COPB1: variants seen among roughly 807,000 people sequenced by gnomAD.
COPB1 encodes coatomer subunit beta.
Under a neutral mutation model 108.7 loss-of-function variants are expected in COPB1, and 21 were observed. That is an observed-to-expected ratio of 0.19 (90% confidence interval 0.14 to 0.28). The LOEUF (loss-of-function observed/expected upper bound fraction) is 0.28. COPB1 is among the 10% of genes least tolerant of loss of function. COPB1 has a pLI of 1.00. For missense variants in COPB1, 919 were observed against 1,141.3 expected, an observed-to-expected ratio of 0.81 and a Z score of 2.81; for synonymous variants, 378 against 386.8, an observed-to-expected ratio of 0.98 and a Z score of 0.27.
chr11:14,472,227 A>C (rs1333859125), intron 14 of COPB1, among the ~76,000 whole-genome samples: 1 of 152,230 alleles, frequency 6.6e-6, no homozygotes, highest in African/African-American at 2.4e-5. Flanking sequence ...CTTAGCAGGC[A>C]TGAAAACATT....
intron 20 of COPB1, among the ~76,000 whole-genome samples, 165 bp from the exon 21 acceptor site, chr11:14,458,852 C>A (rs979583195): frequency 6.6e-6 from 1 of 151,130 alleles, no homozygotes; most frequent in Non-Finnish European, 1.5e-5. Flanking sequence ...TCACTGCAAC[C>A]TTCCTCCCAG....
intron 2 of COPB1, among the ~76,000 whole-genome samples, chr11:14,498,283 T>C (rs1187654736): frequency 6.6e-6 from 1 of 152,222 alleles, no homozygotes; most frequent in Non-Finnish European, 1.5e-5. Context: ...ACCCCATAAA[T>C]ATATACATCT....
chr11:14,477,979 C>G (rs1304735717), intron 11 of COPB1, among the ~76,000 whole-genome samples: 1 of 151,214 alleles, frequency 6.6e-6, no homozygotes, highest in Non-Finnish European at 1.5e-5. Context: ...GCACTCCAGC[C>G]TGGGTGACAG....
At chr11:14,499,610 C>T (rs971824816) in intron 1 of COPB1, 97 bp downstream of exon 1, 5 of 151,160 alleles carry the variant, frequency 3.3e-5, no homozygotes, top group African/African-American at 1.2e-4. Context: ...TACCCCCACC[C>T]GGTCCCTTCT....
chr11:14,486,862 T>C (rs1422873482), intron 6 of COPB1, among the ~76,000 whole-genome samples: 1 of 152,168 alleles, frequency 6.6e-6, no homozygotes, highest in East Asian at 1.9e-4. Context: ...ATGTGTATGC[T>C]ATACACAAGT....
At chr11:14,466,515 T>G in intron 16 of COPB1, 89 bp from the exon 17 acceptor site, 1 of 1,306,742 alleles carries the variant, frequency 7.7e-7, no homozygotes. Flanking sequence ...TGGTAGGTTA[T>G]TAACAGAGTT....
chr11:14,465,694 AG>A (rs2134097175), intron 17 of COPB1, among the ~76,000 whole-genome samples: 1 of 152,322 alleles, frequency 6.6e-6, no homozygotes, highest in South Asian at 2.1e-4. Flanking sequence ...ACAGGGCAAA[AG>A]TATGTTTTCC....
chr11:14,462,850 CTCT>C (rs1850191075), intron 18 of COPB1, among the ~76,000 whole-genome samples: 1 of 152,136 alleles, frequency 6.6e-6, no homozygotes, highest in Non-Finnish European at 1.5e-5. Context: ...ACTCGAGGTT[CTCT>C]TATTTTCAAA....
At chr11:14,478,066 T>C (rs1202262681) in intron 11 of COPB1, among the ~76,000 whole-genome samples, 4 of 151,828 alleles carry the variant, frequency 2.6e-5, no homozygotes, top group Non-Finnish European at 5.9e-5. Flanking sequence ...GTATTTTAGA[T>C]AAATATTTCA....
At chr11:14,494,636 T>C in intron 2 of COPB1, 197 bp from the exon 3 acceptor site, 1 of 499,010 alleles carries the variant, frequency 2.0e-6, no homozygotes, top group East Asian at 3.2e-5. Context: ...AAGTCATTTA[T>C]CTCTGGAAAT....
chr11:14,468,598 T>A, intron 16 of COPB1, 83 bp downstream of exon 16: 1 of 1,340,184 alleles, frequency 7.5e-7, no homozygotes, highest in South Asian at 1.3e-5. Flanking sequence ...AAAATAGTTA[T>A]CTTTCTTTTA....
intron 11 of COPB1, among the ~76,000 whole-genome samples, chr11:14,477,466 CG>C (rs1322863851): frequency 1.3e-5 from 2 of 150,090 alleles, no homozygotes; most frequent in Non-Finnish European, 3.0e-5. Context: ...CTGAGGCCAG[CG>C]GATCACTTGA....
At position 14,473,764 on chromosome 11, in the gene COPB1, G is replaced by A. The variant is rs117801395; in HGVS notation, c.1737+731C>T. Among the ~76,000 whole-genome samples, 451 of 150,924 alleles carry A rather than the reference G, an allele frequency of 3.0e-3. 2 individuals carry two copies. The highest frequency in any genetic ancestry group is 5.7e-3 in the Admixed American group (87 of 15,140). The stretch of plus-strand genomic sequence containing the variant: ...CCAAAATGTAACACAGAGATATGAA[G>A]TGAGCATATGCTTATTTGGAAAAAT... On this transcript the variant is annotated intron_variant, in intron 14 of 21. Transcript: ENST00000439561.
In COPB1 at chr11:14,461,406, T is replaced by C. The variant is rs915790282; in HGVS notation, c.2411-75A>G. 11 of 1,434,086 alleles carry C rather than the reference T, an allele frequency of 7.7e-6. No individual in the cohort carries two copies. The Admixed American group carries it at 1.7e-4, about 22-fold the overall frequency. 88.8% of individuals were successfully genotyped at this position (1,434,086 alleles called of 1,614,324 possible). ...TTTAAAAAATCTTAATATCCAAATA[T>C]CCAAAGAACTACACTATTAACAATA... is the stretch of plus-strand genomic sequence containing the variant. On this transcript the variant is annotated intron_variant, in intron 18 of 21. Coordinates refer to ENST00000439561, the MANE Select transcript of COPB1 (RefSeq NM_001144061.2).
intron 8 of COPB1, among the ~76,000 whole-genome samples, chr11:14,481,443 C>A (rs1042638138): frequency 2.0e-5 from 3 of 152,138 alleles, no homozygotes; most frequent in Admixed American, 2.0e-4. Flanking sequence ...TATAGTATTA[C>A]TGGTCTGGTC....
At position 14,499,806 on chromosome 11, in the gene COPB1, G is replaced by A. The variant is rs114012514; in HGVS notation, c.-157C>T. 1,395 of 154,128 alleles carry A rather than the reference G, an allele frequency of 9.1e-3. 17 individuals are homozygous for A. Among genetic ancestry groups the A allele is most frequent in the African/African-American group, 0.032 (1,349 of 41,558 alleles). The allele number at this position is 154,128 out of a possible 1,614,324, so 9.5% of individuals were successfully genotyped here. On this transcript the variant is annotated 5_prime_UTR_variant, in exon 1 of 22. Transcript: ENST00000439561. ...CGTCTACTGCGGCTCCGTCTACTCCGGCTATGAACCGCAGCAGCGGCGGCG... is the reference window on the plus strand; with the variant it reads ...CGTCTACTGCGGCTCCGTCTACTCCAGCTATGAACCGCAGCAGCGGCGGCG...
chr11:14,464,913 A>G lies in COPB1; in HGVS notation c.2408T>C (p.Ile803Thr), dbSNP rs932366256. Residue 803 changes from isoleucine to threonine, a missense_variant and splice_region_variant, in exon 18 of 22, where the codon ATA becomes ACA. This residue lies in a region of COPB1 where 705 missense variants were observed against 817.8 expected (regional missense o/e 0.86). Coordinates refer to ENST00000439561, the MANE Select transcript of COPB1 (RefSeq NM_001144061.2). ...STENGIIFGN[I>T]VYDVSGAASD... ...CATGCCATAAAACAGCACCTTACCT[A>G]TATTACCAAAAATTATTCCATTTTC... is the stretch of plus-strand genomic sequence containing the variant. 1.9e-6 allele frequency: 3 copies of G among 1,612,718 alleles called. No homozygotes were observed. The highest frequency in any genetic ancestry group is 8.5e-7 in the Non-Finnish European group (1 of 1,179,566).
intron 17 of COPB1, 97 bp downstream of exon 17, chr11:14,466,185 C>G: frequency 8.5e-7 from 1 of 1,182,162 alleles, no homozygotes; most frequent in Admixed American, 2.4e-5. Context: ...AGAAAAGGTT[C>G]AAGAGAATTT....
chr11:14,468,225 CT>C (rs1323989458), intron 16 of COPB1, among the ~76,000 whole-genome samples: 1 of 152,070 alleles, frequency 6.6e-6, no homozygotes, highest in Non-Finnish European at 1.5e-5. Flanking sequence ...ATCACTGATT[CT>C]TAAATTTATA....
Sources: allele counts gnomAD v4.1 joint callset (sites outside exome capture counted in the v4.1 genomes callset), GRCh38; gene constraint gnomAD v4.1.1; regional missense constraint gnomAD v4.1.1; transcripts MANE v1.5; gene names NCBI Gene and HGNC (gene_info 2026-07-23, HGNC 2026-07-21).